Variants in MAP3K13 observed in about 807,000 individuals in gnomAD.
The protein encoded by MAP3K13 is leucine zipper-bearing kinase.
In MAP3K13, 52 loss-of-function variants were observed where a neutral mutation model predicts 104.0. The observed-to-expected ratio is 0.50, with a 90% CI of 0.40 to 0.63. The LOEUF (loss-of-function observed/expected upper bound fraction) is 0.63, where lower values mean the gene tolerates loss of function less well. MAP3K13 is among the 20% of genes least tolerant of loss of function. The pLI is 0.00. For missense variants in MAP3K13, 914 were observed against 1,218.5 expected (o/e 0.75, Z 3.72); for synonymous variants, 394 against 442.2 (o/e 0.89, Z 1.37).
intron 1 of MAP3K13, among the ~76,000 whole-genome samples, chr3:185,363,755 A>G (rs918368550): frequency 3.9e-5 from 6 of 152,232 alleles, no homozygotes; most frequent in African/African-American, 1.4e-4. Flanking sequence ...AGCAGGTTCT[A>G]TCCTGTGGGG....
upstream of MAP3K13, among the ~76,000 whole-genome samples, chr3:185,358,167 TA>T (rs1723445999): frequency 1.3e-5 from 2 of 152,190 alleles, no homozygotes. Flanking sequence ...TGTAAATATA[TA>T]CTTTTGTGCT....
intron 8 of MAP3K13, 132 bp from the exon 9 acceptor site, chr3:185,465,615 C>A (rs187505409): frequency 1.5e-5 from 10 of 680,270 alleles, no homozygotes; most frequent in Middle Eastern, 4.1e-4. Context: ...CTGCACTGGA[C>A]AAGGGAGGCT....
intron 2 of MAP3K13, among the ~76,000 whole-genome samples, chr3:185,349,945 G>T (rs1480993151): frequency 1.3e-5 from 2 of 152,162 alleles, no homozygotes; most frequent in Admixed American, 6.5e-5. Flanking sequence ...GTCTATTGTT[G>T]GTTAGTCAGC....
intron 1 of MAP3K13, among the ~76,000 whole-genome samples, chr3:185,371,798 G>C (rs1186915864): frequency 6.6e-6 from 1 of 152,162 alleles, no homozygotes; most frequent in Non-Finnish European, 1.5e-5. Flanking sequence ...ACTCTTTGGA[G>C]TCCTAAAGGG....
intron 2 of MAP3K13, among the ~76,000 whole-genome samples, chr3:185,433,069 T>C (rs75674571): frequency 2.4e-3 from 365 of 152,334 alleles, no homozygotes; most frequent in African/African-American, 8.4e-3. Context: ...TGTCACTGGA[T>C]TTTTAAAAAA....
At chr3:185,422,721 G>A (rs1410172466) in intron 1 of MAP3K13, among the ~76,000 whole-genome samples, 1 of 152,186 alleles carries the variant, frequency 6.6e-6, no homozygotes, top group Non-Finnish European at 1.5e-5. Context: ...ATATATTTGG[G>A]TATGCAATTC....
At chr3:185,303,577 T>C (rs1678718877) in intron 2 of MAP3K13, among the ~76,000 whole-genome samples, 7 of 152,050 alleles carry the variant, frequency 4.6e-5, no homozygotes, top group Admixed American at 4.6e-4. Flanking sequence ...AAATCTATCA[T>C]TTTTTCTATG....
In MAP3K13 at chr3:185,466,957, C is replaced by T. The variant is rs956527659; in HGVS notation, c.1637C>T (p.Thr546Ile). ...KGVPHKSGMQ[T>I]KRPDLLRSEG... ...GTGCCTCACAAATCTGGGATGCAGA[C>T]CAAACGGTGAGACACCTGTACAAAC... The change falls in exon 10 of 14, where the codon ACC becomes ATC. Residue 546 changes from threonine (T) to isoleucine (I), a missense_variant. By Grantham distance (89) the Thr-to-Ile change is moderately conservative (BLOSUM62 -1). Coordinates refer to ENST00000265026, the MANE Select transcript of MAP3K13 (RefSeq NM_004721.5). 6.2e-7 allele frequency: 1 copy of T among 1,613,940 alleles called. No individual in the cohort carries two copies.
At chr3:185,393,482 G>A (rs1410247997) in intron 1 of MAP3K13, among the ~76,000 whole-genome samples, 7 of 145,066 alleles carry the variant, frequency 4.8e-5, no homozygotes, top group East Asian at 2.0e-4. Context: ...TTTTTGAGAC[G>A]GAGTCTCGCT....
chr3:185,329,403 T>C, intron 2 of MAP3K13: 1 of 537,994 alleles, frequency 1.9e-6, no homozygotes, highest in Non-Finnish European at 3.3e-6. Context: ...AAATTGGAGG[T>C]TTTGATGTTC....
chr3:185,353,605 A>G (rs1035076668), intron 2 of MAP3K13, among the ~76,000 whole-genome samples: 2 of 152,232 alleles, frequency 1.3e-5, no homozygotes, highest in South Asian at 2.1e-4. Flanking sequence ...ATGACTCTAC[A>G]TAGTATGGAC....
rs745553607 is a variant in MAP3K13 at position 185,473,669 on chromosome 3, G to T, written c.2338G>T (p.Glu780Ter). The change falls in exon 11 of 14, where the codon GAA (glutamate) becomes TAA (stop). Residue 780 changes from glutamate (E) to a stop codon, truncating the protein, a stop_gained. Coordinates refer to ENST00000265026, the MANE Select transcript of MAP3K13 (RefSeq NM_004721.5). LOFTEE classifies it high-confidence loss of function. The surrounding 1 kb of genome is among the most constrained non-coding windows in gnomAD (Gnocchi z 4.9). ...GAGTTCTGAGAAAACGGAAGAAAAT[G>T]AATTCAGCGGCTGTAGGTCTGAGTC... ...AQSSEKTEEN[E>*]FSGCRSESSL... 1 of 1,614,140 alleles carries T rather than the reference G, an allele frequency of 6.2e-7. No individual in the cohort carries two copies. Among genetic ancestry groups the T allele is most frequent in the Non-Finnish European group, 8.5e-7 (1 of 1,180,030 alleles).
intron 2 of MAP3K13, among the ~76,000 whole-genome samples, chr3:185,296,136 C>T (rs139582046): frequency 1.4e-4 from 21 of 152,246 alleles, no homozygotes; most frequent in African/African-American, 3.1e-4. Context: ...CCCAGCTACT[C>T]AGGAGGCTGA....
chr3:185,424,622 C>G (rs1185078234), intron 1 of MAP3K13, among the ~76,000 whole-genome samples: 1 of 152,168 alleles, frequency 6.6e-6, no homozygotes, highest in Non-Finnish European at 1.5e-5. Context: ...GGAATATTTA[C>G]ACCAGGGAAA....
chr3:185,399,156 T>G lies in MAP3K13; in HGVS notation c.-85-29341T>G, dbSNP rs942021406. 5.9e-5 allele frequency among the ~76,000 whole-genome samples: 9 copies of G among 152,078 alleles called. 1 individual carries two copies. The highest frequency in any genetic ancestry group is 1.9e-4 in the African/African-American group (8 of 41,498). The stretch of plus-strand genomic sequence containing the variant: ...GAACACTGTTGGGTTGAGGAAAGGA[T>G]AGGAGGAGATTATTCATGTGTATAT... On this transcript the variant is annotated intron_variant, in intron 1 of 13. Coordinates refer to ENST00000265026, the MANE Select transcript of MAP3K13 (RefSeq NM_004721.5).
intron 1 of MAP3K13, among the ~76,000 whole-genome samples, chr3:185,372,129 G>A (rs972061776): frequency 2.0e-5 from 3 of 152,166 alleles, no homozygotes; most frequent in Non-Finnish European, 2.9e-5. Flanking sequence ...ACACTAAGAA[G>A]GAACAGATGC....
chr3:185,395,875 G>A lies in MAP3K13; in HGVS notation c.-86+32507G>A, dbSNP rs1177820478. Among the ~76,000 whole-genome samples the A allele has an allele frequency of 4.0e-5, 6 of 151,622 alleles. No homozygotes were observed. In the East Asian group the frequency reaches 1.2e-3, roughly 30 times the overall value. ...GTATTTTTAGTAGAGACAGGGTTTC[G>A]CCATGTTGCCCAGGCTGGTCTTGAA... On this transcript the variant is annotated intron_variant, in intron 1 of 13. Transcript: ENST00000265026.
At chr3:185,330,586 C>A (rs1722229310) in intron 2 of MAP3K13, among the ~76,000 whole-genome samples, 1 of 151,970 alleles carries the variant, frequency 6.6e-6, no homozygotes, top group African/African-American at 2.4e-5. Context: ...TGGGGGGTGT[C>A]CTGGGAAAGA....
chr3:185,301,115 T>TTTTA (rs199804553), intron 2 of MAP3K13, among the ~76,000 whole-genome samples: 3 of 151,814 alleles, frequency 2.0e-5, no homozygotes, highest in African/African-American at 2.4e-5. Flanking sequence ...CACTTATTAT[T>TTTTA]TTTATTTATT....
Sources: allele counts gnomAD v4.1 joint callset (sites outside exome capture counted in the v4.1 genomes callset), GRCh38; gene constraint gnomAD v4.1.1; non-coding constraint Gnocchi (gnomAD v3.1); transcripts MANE v1.5; gene names NCBI Gene and HGNC (gene_info 2026-07-23, HGNC 2026-07-21).